Variants in MUC5B observed in about 807,000 individuals in gnomAD.
The protein encoded by MUC5B is mucin-5B.
A neutral mutation model predicts 376.9 loss-of-function variants in MUC5B; 116 were observed. The observed-to-expected ratio is 0.31, with a 90% CI of 0.26 to 0.36. MUC5B has a LOEUF of 0.36. Ranked by LOEUF, MUC5B falls within the 10% of genes least tolerant of loss-of-function variation. The pLI is 1.00. For synonymous variants in MUC5B, 3,517 were observed against 3,390.9 expected, an observed-to-expected ratio of 1.04 and a Z score of -1.29; for missense variants, 7,165 against 7,769.9, an observed-to-expected ratio of 0.92 and a Z score of 2.93.
rs766397529 is a variant in MUC5B at position 1,253,414 on chromosome 11, G to A, written c.15217+434G>A. Among the ~76,000 whole-genome samples, 12 of 152,028 alleles carry A rather than the reference G, an allele frequency of 7.9e-5. No homozygotes were observed. Among genetic ancestry groups the A allele is most frequent in the Non-Finnish European group, 1.8e-4 (12 of 67,984 alleles). On this transcript the variant is annotated intron_variant, in intron 33 of 48. Coordinates refer to ENST00000529681, the MANE Select transcript of MUC5B (RefSeq NM_002458.3). This position sits in a 1 kb window ranked among gnomAD's most constrained non-coding sequence, Gnocchi z 4.3. The stretch of plus-strand genomic sequence containing the variant: ...GGAGAAGCTCAGGATGGAAGCGGGA[G>A]CCCAGAGGAGCTTTTGTCTCCTGGG...
At chr11:1,227,558 G>A in intron 6 of MUC5B, 117 bp from the exon 7 acceptor site, 3 of 678,874 alleles carry the variant, frequency 4.4e-6, no homozygotes, top group Non-Finnish European at 8.1e-6. Context: ...GCCCCTCGGG[G>A]GTGTTGGGCC....
Position 1,258,259 on chromosome 11 carries a change from G to A in MUC5B, c.16555+56G>A. 8 of 1,581,470 alleles carry A rather than the reference G, an allele frequency of 5.1e-6. No individual in the cohort carries two copies. The highest frequency in any genetic ancestry group is 6.9e-6 in the Non-Finnish European group (8 of 1,163,334). ...GGCCTCTTGCTGGGGGTGGGGGAGT[G>A]CAGGATGGTGGGGGCGCTGGAGCAC... is the stretch of plus-strand genomic sequence containing the variant. On this transcript the variant is annotated intron_variant, in intron 42 of 48. Coordinates refer to ENST00000529681, the MANE Select transcript of MUC5B (RefSeq NM_002458.3). The surrounding 1 kb of genome is among the most constrained non-coding windows in gnomAD (Gnocchi z 5.5).
At position 1,258,249 on chromosome 11, in the gene MUC5B, G is replaced by GT. The variant is rs1383571144; in HGVS notation, c.16555+47dup. On this transcript the variant is annotated intron_variant, in intron 42 of 48. Transcript: ENST00000529681. The surrounding 1 kb of genome is among the most constrained non-coding windows in gnomAD (Gnocchi z 5.5). ...GCTCCTGGGTGGCCTCTTGCTGGGG[G>GT]TGGGGGAGTGCAGGATGGTGGGGGC... 32 of 1,576,426 alleles carry GT rather than the reference G, an allele frequency of 2.0e-5. No homozygotes were observed. Among genetic ancestry groups the GT allele is most frequent in the Middle Eastern group, 3.4e-4 (2 of 5,958 alleles).
At position 1,233,230 on chromosome 11, in the gene MUC5B, G is replaced by T. The variant is rs1198427898; in HGVS notation, c.2283G>T (p.Leu761=). 2.5e-6 allele frequency: 4 copies of T among 1,591,024 alleles called. No individual in the cohort carries two copies. In the South Asian group the frequency reaches 4.5e-5, roughly 18 times the overall value. The stretch of plus-strand genomic sequence containing the variant: ...CCTGCTACGCTCACGGCACCGTGCT[G>T]GCTCCTGGAGAGGTGGTGCACGACG... ...ECPCYAHGTV[L]APGEVVHDEG... The change falls in exon 18 of 49, where the codon CTG becomes CTT. Residue 761 remains leucine, a synonymous_variant. Transcript: ENST00000529681.
intron 3 of MUC5B, 164 bp from the exon 4 acceptor site, chr11:1,226,451 G>T (rs1462189308): frequency 2.4e-6 from 3 of 1,262,506 alleles, no homozygotes; most frequent in Non-Finnish European, 3.3e-6. Context: ...GACGGGTCAG[G>T]GGTCTTGGAG....
At chr11:1,236,003 A>AAAGCAGCGCCGCTG (rs1862148484) in intron 23 of MUC5B, among the ~76,000 whole-genome samples, 1 of 152,230 alleles carries the variant, frequency 6.6e-6, no homozygotes. Context: ...CCCAGGGGAT[A>AAAGCAGCGCCGCTG]AAGCAGCGCC....
chr11:1,237,310 C>T (rs1361824881), intron 25 of MUC5B, 146 bp downstream of exon 25: 1 of 1,098,464 alleles, frequency 9.1e-7, no homozygotes, highest in Non-Finnish European at 1.2e-6. Context: ...TGTCAGGTCC[C>T]AAGTCCGGAT....
rs970096114 is a variant in MUC5B at position 1,258,008 on chromosome 11, G to A, written c.16451-91G>A. 2.7e-5 allele frequency: 36 copies of A among 1,318,444 alleles called. No individual in the cohort carries two copies. The highest frequency in any genetic ancestry group is 8.7e-5 in the African/African-American group (6 of 68,618). The allele number at this position is 1,318,444 out of a possible 1,614,324, so 81.7% of individuals were successfully genotyped here. ...GGGGCTGTGAAGCGGTCAGGTCCTC[G>A]GGGAAAAGCACGCCTGCGACTTACT... On this transcript the variant is annotated intron_variant, in intron 41 of 48. Transcript: ENST00000529681. The surrounding 1 kb of genome is among the most constrained non-coding windows in gnomAD (Gnocchi z 5.5).
Position 1,234,119 on chromosome 11 carries a change from G to A in MUC5B, c.2378-86G>A. The A allele has an allele frequency of 8.7e-7, 1 of 1,143,322 alleles. No individual in the cohort carries two copies. Among genetic ancestry groups the A allele is most frequent in the Non-Finnish European group, 1.3e-6 (1 of 783,864 alleles). The allele number at this position is 1,143,322 out of a possible 1,614,324, so 70.8% of individuals were successfully genotyped here. A position where few individuals can be genotyped will look rare whatever the true frequency, so the allele number is the denominator to read the frequency against. On this transcript the variant is annotated intron_variant, in intron 19 of 48. Coordinates refer to ENST00000529681, the MANE Select transcript of MUC5B (RefSeq NM_002458.3). This position sits in a 1 kb window ranked among gnomAD's most constrained non-coding sequence, Gnocchi z 6.3. ...GGCTCGGGGGCTGTTAACTTGATCA[G>A]CAGGACAGGCTCAGGGCTGCCTGGG... is the stretch of plus-strand genomic sequence containing the variant.
At position 1,240,204 on chromosome 11, in the gene MUC5B, A is replaced by C. The variant is rs759041338; in HGVS notation, c.3799A>C (p.Thr1267Pro). 23 of 1,610,894 alleles carry C rather than the reference A, an allele frequency of 1.4e-5. No homozygotes were observed. The Admixed American group carries it at 3.3e-4, about 23-fold the overall frequency. Residue 1267 changes from threonine to proline, a missense_variant, in exon 30 of 49, where the codon ACC becomes CCC. Transcript: ENST00000529681. The part of the protein sequence containing the change: ...EACTCTYEDR[T>P]YSYQDVIYNT... ...CTGCACCTGCACCTATGAGGACAGGACCTACAGCTACCAGGACGTCATCTA... is the reference window on the plus strand; with the variant it reads ...CTGCACCTGCACCTATGAGGACAGGCCCTACAGCTACCAGGACGTCATCTA...
rs189151337 is a variant in MUC5B at position 1,249,698 on chromosome 11, C to G, written c.12818C>G (p.Pro4273Arg). ...TCCACGGCCACCCCGTCCTCCACCC[C>G]GGGAACAGCTCCCCCTCCCAAAGTG... is the stretch of plus-strand genomic sequence containing the variant. ...TGSTATPSSTPGTAPPPKVLT... is the reference protein window; with the variant it reads ...TGSTATPSSTRGTAPPPKVLT... The change falls in exon 31 of 49, where the codon CCG becomes CGG. Residue 4273 changes from proline (P) to arginine (R), a missense_variant. This residue lies in a region of MUC5B where 431 missense variants were observed against 390.4 expected (regional missense o/e 1.10). Coordinates refer to ENST00000529681, the MANE Select transcript of MUC5B (RefSeq NM_002458.3). 13 of 1,610,228 alleles carry G rather than the reference C, an allele frequency of 8.1e-6. 2 individuals are homozygous for G. The highest frequency in any genetic ancestry group is 9.3e-6 in the Non-Finnish European group (11 of 1,177,932).
chr11:1,246,144 G>A lies in MUC5B; in HGVS notation c.9264G>A (p.Met3088Ile). 1.9e-6 allele frequency: 3 copies of A among 1,607,076 alleles called. No homozygotes were observed. Among genetic ancestry groups the A allele is most frequent in the Non-Finnish European group, 1.7e-6 (2 of 1,177,794 alleles). Residue 3088 changes from methionine to isoleucine, a missense_variant, in exon 31 of 49, where the codon ATG becomes ATA. By Grantham distance (10) the Met-to-Ile change is conservative. This residue lies in a region of MUC5B where 939 missense variants were observed against 770.6 expected (regional missense o/e 1.22). Coordinates refer to ENST00000529681, the MANE Select transcript of MUC5B (RefSeq NM_002458.3). Reference protein sequence around the residue: ...GTLPEQTTTPMATMSTIHPSS... With the variant: ...GTLPEQTTTPIATMSTIHPSS... ...TCCCAGAACAGACCACCACACCCAT[G>A]GCCACCATGTCCACAATCCACCCCT...
rs1442513494 is a variant in MUC5B, at chr11:1,241,472, A to G, written c.4592A>G (p.Asp1531Gly). 1.9e-6 allele frequency: 3 copies of G among 1,613,400 alleles called. No individual in the cohort carries two copies. The African/African-American group carries it at 4.0e-5, about 22-fold the overall frequency. Residue 1531 changes from aspartate to glycine, a missense_variant, in exon 31 of 49, where the codon GAT (aspartate) becomes GGT (glycine). By Grantham distance (94) the Asp-to-Gly change is moderately conservative (BLOSUM62 -1). Around this residue, in one of 31 missense-constraint regions of MUC5B, gnomAD observed 517 missense variants for 545.3 expected, o/e 0.95. Coordinates refer to ENST00000529681, the MANE Select transcript of MUC5B (RefSeq NM_002458.3). ...EQLGGDVESY[D>G]KIRAAGGHLC... ...CTTGGAGGGGACGTTGAGTCCTACG[A>G]TAAGATCAGGGCCGCTGGAGGGCAC...
rs547157880 is a variant in MUC5B at position 1,239,626 on chromosome 11, G to C, written c.3583+60G>C. The C allele has an allele frequency of 2.2e-4, 342 of 1,524,496 alleles. 1 individual carries two copies. Among genetic ancestry groups the C allele is most frequent in the South Asian group, 3.7e-4 (29 of 78,248 alleles). 94.4% of individuals were successfully genotyped at this position (1,524,496 alleles called of 1,614,324 possible). A position where few individuals can be genotyped will look rare whatever the true frequency, so the allele number is the denominator to read the frequency against. ...TCCTTGGGTTCCCGAGTGTACGTGG[G>C]GGGGCGGGGATCCCCAGGGACGCGG... On this transcript the variant is annotated intron_variant, in intron 27 of 48. Transcript: ENST00000529681.
chr11:1,244,598 C>T lies in MUC5B; in HGVS notation c.7718C>T (p.Thr2573Ile). The T allele has an allele frequency of 6.2e-7, 1 of 1,613,684 alleles. No homozygotes were observed. Among genetic ancestry groups the T allele is most frequent in the South Asian group, 1.1e-5 (1 of 91,070 alleles). Reference sequence around the variant, plus strand: ...GCCACACCCTCCTCCACTCCAGAGACTGTCCACACCTCCACAGTGCTTACC... The same window carrying T: ...GCCACACCCTCCTCCACTCCAGAGATTGTCCACACCTCCACAGTGCTTACC... Reference protein sequence around the residue: ...STATPSSTPETVHTSTVLTTT... With the variant: ...STATPSSTPEIVHTSTVLTTT... The change falls in exon 31 of 49, where the codon ACT becomes ATT. Residue 2573 changes from threonine (T) to isoleucine (I), a missense_variant. Physicochemically the swap from Thr to Ile is moderately conservative, Grantham distance 89 (BLOSUM62 -1). Transcript: ENST00000529681.
Position 1,248,622 on chromosome 11 carries a change from C to T in MUC5B, c.11742C>T (p.His3914=). 3 of 1,612,694 alleles carry T rather than the reference C, an allele frequency of 1.9e-6. No homozygotes were observed. The highest frequency in any genetic ancestry group is 1.7e-4 in the Middle Eastern group (1 of 5,908). The part of the protein sequence containing the change: ...VTPSSVPGTT[H]TPTVLTTTTT... ...CCTCCTCCGTCCCGGGGACCACCCA[C>T]ACCCCCACAGTGCTGACCACCACCA... Residue 3914 remains histidine (H), a synonymous_variant, in exon 31 of 49, where the codon CAC becomes CAT. Transcript: ENST00000529681.
Position 1,258,126 on chromosome 11 carries a change from G to A in MUC5B, c.16478G>A (p.Ser5493Asn). ...CVCNTTTCPQ[S>N]LPVCPPGQES... ...TGCAACACAACCACCTGCCCCCAGA[G>A]CCTGCCTGTGTGCCCGCCAGGGCAG... Residue 5493 changes from serine (S) to asparagine (N), a missense_variant, in exon 42 of 49, where the codon AGC becomes AAC. Transcript: ENST00000529681. The surrounding 1 kb of genome is among the most constrained non-coding windows in gnomAD (Gnocchi z 5.5). 6.3e-7 allele frequency: 1 copy of A among 1,594,824 alleles called. No individual in the cohort carries two copies. The highest frequency in any genetic ancestry group is 8.5e-7 in the Non-Finnish European group (1 of 1,173,038).
chr11:1,226,499 C>A, intron 3 of MUC5B, 116 bp from the exon 4 acceptor site: 1 of 1,414,600 alleles, frequency 7.1e-7, no homozygotes, highest in Non-Finnish European at 9.5e-7. Context: ...AGGCAGGGCA[C>A]AGCCAGCAGC....
chr11:1,226,948 A>G, intron 4 of MUC5B, 72 bp downstream of exon 4: 2 of 715,722 alleles, frequency 2.8e-6, no homozygotes, highest in East Asian at 5.4e-5. Flanking sequence ...GCCATGTCTG[A>G]CCTGGGCCAG....
Sources: allele counts gnomAD v4.1 joint callset (sites outside exome capture counted in the v4.1 genomes callset), GRCh38; gene constraint gnomAD v4.1.1; regional missense constraint gnomAD v4.1.1; non-coding constraint Gnocchi (gnomAD v3.1); transcripts MANE v1.5; gene names NCBI Gene and HGNC (gene_info 2026-07-23, HGNC 2026-07-21).